ZNF469: variants seen among roughly 807,000 people sequenced by gnomAD.
ZNF469 encodes the protein zinc finger protein 469.
Under a neutral mutation model 1.0 loss-of-function variants are expected in ZNF469, and 1 was observed. The observed-to-expected ratio is 1.00, with a 90% confidence interval of 0.35 to 4.73. The LOEUF is 4.73. Ranked by LOEUF, ZNF469 falls within the 30% of genes most tolerant of loss-of-function variation. The pLI is 0.16. For missense variants in ZNF469, 6,100 were observed against 5,356.3 expected (o/e 1.14, Z -4.33); for synonymous variants, 2,703 against 2,363.4 (o/e 1.14, Z -4.17).
chr16:88,247,444 G>C, the ZNF469 span, among the ~76,000 whole-genome samples: 1 of 149,746 alleles, frequency 6.7e-6, no homozygotes, highest in African/African-American at 2.5e-5. Flanking sequence ...GAGTGAATAA[G>C]TGAGTGAATG....
chr16:88,325,216 G>GCGACA, the ZNF469 span, among the ~76,000 whole-genome samples: 4 of 141,288 alleles, frequency 2.8e-5, no homozygotes, highest in African/African-American at 1.3e-4. Context: ...GACAGCAGCT[G>GCGACA]TGACATACAC....
At chr16:88,269,724 G>A in the ZNF469 span, among the ~76,000 whole-genome samples, 1 of 152,076 alleles carries the variant, frequency 6.6e-6, no homozygotes, top group African/African-American at 2.4e-5. Context: ...AATCCCCCCA[G>A]CACACATTTG....
the ZNF469 span, among the ~76,000 whole-genome samples, chr16:88,239,378 T>A: frequency 1.3e-5 from 2 of 152,160 alleles, no homozygotes; most frequent in Non-Finnish European, 2.9e-5. Flanking sequence ...GCCACTTATA[T>A]AAAAGGTGCC....
chr16:88,249,417 CT>C, the ZNF469 span, among the ~76,000 whole-genome samples: 1 of 92,986 alleles, frequency 1.1e-5, no homozygotes, highest in African/African-American at 4.6e-5. Flanking sequence ...CTTTTTCTTT[CT>C]TTTTCTTTTT....
At chr16:88,167,977 G>C in the ZNF469 span, among the ~76,000 whole-genome samples, 1 of 152,230 alleles carries the variant, frequency 6.6e-6, no homozygotes, top group African/African-American at 2.4e-5. Flanking sequence ...AATCTGGCAC[G>C]ACCTGTCATG....
chr16:88,277,488 G>A, the ZNF469 span, among the ~76,000 whole-genome samples: 8 of 137,894 alleles, frequency 5.8e-5, no homozygotes, highest in South Asian at 2.4e-4. Flanking sequence ...GCTGTGCCAC[G>A]CTGACACTCG....
the ZNF469 span, among the ~76,000 whole-genome samples, chr16:88,129,647 A>G: frequency 6.6e-6 from 1 of 152,132 alleles, no homozygotes; most frequent in Admixed American, 6.5e-5. Flanking sequence ...TGAGCCCAAG[A>G]TTTTGAGACC....
the ZNF469 span, among the ~76,000 whole-genome samples, chr16:88,285,251 A>G: frequency 6.6e-6 from 1 of 152,240 alleles, no homozygotes; most frequent in African/African-American, 2.4e-5. Context: ...GCCTCCCGCA[A>G]TGGAGCTATT....
intron 1 of ZNF469, among the ~76,000 whole-genome samples, chr16:88,386,010 G>A (rs895195806): frequency 6.6e-6 from 1 of 152,192 alleles, no homozygotes; most frequent in Non-Finnish European, 1.5e-5. Flanking sequence ...CAAGGTGCCA[G>A]CTAAAAGCCC....
At chr16:88,344,508 T>C in the ZNF469 span, among the ~76,000 whole-genome samples, 127 of 152,314 alleles carry the variant, frequency 8.3e-4, no homozygotes, top group African/African-American at 3.0e-3. Flanking sequence ...CTGAGGCAGG[T>C]GCTCTGCAGA....
chr16:88,348,995 G>A, the ZNF469 span, among the ~76,000 whole-genome samples: 9 of 152,144 alleles, frequency 5.9e-5, no homozygotes, highest in South Asian at 2.1e-4. Flanking sequence ...ACGAGTCCTC[G>A]GCCCCTGCCT....
chr16:88,141,725 C>T, the ZNF469 span, among the ~76,000 whole-genome samples: 1 of 152,152 alleles, frequency 6.6e-6, no homozygotes. Flanking sequence ...AGGCGGGAGG[C>T]CAGGGGCAGG....
chr16:88,207,401 AGGGGAGGGGAGGCCGCGGGGACAGC>A, the ZNF469 span, among the ~76,000 whole-genome samples: 565 of 67,594 alleles, frequency 8.4e-3, 153 homozygotes, highest in South Asian at 0.013. Flanking sequence ...GCGGGGACGG[AGGGGAGGGGAGGCCGCGGGGACAGC>A]GGGGAGCTGA....
the ZNF469 span, among the ~76,000 whole-genome samples, chr16:88,319,162 G>T: frequency 6.6e-6 from 1 of 152,152 alleles, no homozygotes; most frequent in African/African-American, 2.4e-5. Flanking sequence ...TGGGGTTCGG[G>T]CTCCTCACAG....
the ZNF469 span, among the ~76,000 whole-genome samples, chr16:88,337,177 A>C: frequency 0.26 from 39,105 of 152,122 alleles, 5,640 homozygotes; most frequent in Non-Finnish European, 0.33. Context: ...TCCCCAACCA[A>C]ATCTCATCTT....
the ZNF469 span, among the ~76,000 whole-genome samples, chr16:88,352,055 C>T: frequency 5.9e-5 from 9 of 152,244 alleles, no homozygotes; most frequent in South Asian, 1.9e-3. Context: ...GGTGGGATTC[C>T]GTTTCTAGGG....
the ZNF469 span, among the ~76,000 whole-genome samples, chr16:88,316,962 T>C: frequency 6.6e-6 from 1 of 152,136 alleles, no homozygotes; most frequent in African/African-American, 2.4e-5. Flanking sequence ...GCTCTCCAGC[T>C]CTAAACCCAG....
chr16:88,371,652 AG>A, the ZNF469 span, among the ~76,000 whole-genome samples: 1 of 152,236 alleles, frequency 6.6e-6, no homozygotes, highest in Non-Finnish European at 1.5e-5. Flanking sequence ...TTGAGAATTT[AG>A]CATTCCTTGT....
rs771130310 is a variant in ZNF469, at chr16:88,435,841, G to A, written c.8371G>A (p.Glu2791Lys). Residue 2791 changes from glutamate to lysine, a missense_variant, in exon 3 of 3, where the codon GAG (glutamate) becomes AAG (lysine). Coordinates refer to ENST00000565624, the MANE Select transcript of ZNF469 (RefSeq NM_001367624.2). ...AHSRSEEGVW[E>K]ENTPPLGPLG... ...CAGCCGATCAGAGGAAGGTGTCTGG[G>A]AGGAGAACACGCCCCCCTTGGGCCC... The A allele has an allele frequency of 5.8e-6, 9 of 1,550,480 alleles. 1 individual carries two copies. In the South Asian group the frequency reaches 9.5e-5, roughly 16 times the overall value.
Sources: allele counts gnomAD v4.1 joint callset (sites outside exome capture counted in the v4.1 genomes callset), GRCh38; gene constraint gnomAD v4.1.1; transcripts MANE v1.5; gene names NCBI Gene and HGNC (gene_info 2026-07-23, HGNC 2026-07-21).